Variants in MAST1 observed in about 807,000 individuals in gnomAD.
MAST1 encodes the protein microtubule associated serine/threonine kinase 1.
MAST1 carries 40 observed loss-of-function variants against 124.6 expected under a neutral mutation model. The ratio of observed to expected loss-of-function variants is 0.32; its 90% CI spans 0.25 to 0.42. MAST1 has a LOEUF of 0.42. Among genes scored for constraint, MAST1 ranks in the 10% least tolerant of loss-of-function variants. The pLI is 1.00. For missense variants in MAST1, 1,558 were observed against 2,181.9 expected, an observed-to-expected ratio of 0.71 and a Z score of 5.70; for synonymous variants, 938 against 939.4, an observed-to-expected ratio of 1.00 and a Z score of 0.03.
chr19:12,858,552 C>T lies in MAST1; in HGVS notation c.1179C>T (p.His393=). ...GCAGCGCTGTCTACCTGGTGCGGCA[C>T]CGCGACACGCGGCAGCGCTTTGCCA... ...GAYGAVYLVR[H]RDTRQRFAMK... The change falls in exon 12 of 26, where the codon CAC becomes CAT. Residue 393 remains histidine, a synonymous_variant. Coordinates refer to ENST00000251472, the MANE Select transcript of MAST1 (RefSeq NM_014975.3). The T allele has an allele frequency of 6.2e-7, 1 of 1,614,238 alleles. No individual in the cohort carries two copies. The highest frequency in any genetic ancestry group is 8.5e-7 in the Non-Finnish European group (1 of 1,180,048).
rs1293307089 is a variant in MAST1, at chr19:12,864,939, G to GT, written c.1497_1498insT (p.Pro500SerfsTer2). 6.2e-7 allele frequency: 1 copy of GT among 1,614,026 alleles called. No homozygotes were observed. Among genetic ancestry groups the GT allele is most frequent in the Non-Finnish European group, 8.5e-7 (1 of 1,180,026 alleles). The stretch of plus-strand genomic sequence containing the variant: ...ATGGCATCGTGCACCGCGACCTCAA[G>GT]CCTGACAAGTGAGCTTTGATCTTTC... On this transcript the variant is annotated frameshift_variant, in exon 13 of 26. Transcript: ENST00000251472. LOFTEE classifies it high-confidence loss of function.
intron 24 of MAST1, among the ~76,000 whole-genome samples, chr19:12,871,913 CAAAAAAAAAA>C (rs34674708): frequency 8.2e-5 from 5 of 61,042 alleles, no homozygotes; most frequent in South Asian, 6.2e-4. Context: ...TAGACTCTTT[CAAAAAAAAAA>C]AAAAAAAAAA....
Position 12,874,380 on chromosome 19 carries a change from C to T in MAST1, c.4223C>T (p.Ala1408Val), listed in dbSNP as rs753566844. The change falls in exon 26 of 26, where the codon GCC becomes GTC. Residue 1408 changes from alanine to valine, a missense_variant. Ala to Val is a moderately conservative substitution (Grantham distance 64). Transcript: ENST00000251472. This position sits in a 1 kb window ranked among gnomAD's most constrained non-coding sequence, Gnocchi z 6.6. ...DGTGGMARAV[A>V]KAALSPVQEH... ...ACTGGCGGGATGGCCAGGGCTGTGG[C>T]CAAGGCGGCGCTGAGCCCGGTGCAG... The T allele has an allele frequency of 6.3e-7, 1 of 1,598,306 alleles. No individual in the cohort carries two copies. The highest frequency in any genetic ancestry group is 2.2e-5 in the East Asian group (1 of 44,832).
intron 22 of MAST1, among the ~76,000 whole-genome samples, chr19:12,869,862 G>A (rs1476627438): frequency 6.6e-6 from 1 of 151,728 alleles, no homozygotes; most frequent in African/African-American, 2.4e-5. Flanking sequence ...AGACTAGCCT[G>A]GCCAATATGG....
Position 12,865,960 on chromosome 19 carries a change from T to C in MAST1, c.1907-20T>C, listed in dbSNP as rs950353324. On this transcript the variant is annotated intron_variant, in intron 16 of 25. Transcript: ENST00000251472. The surrounding 1 kb of genome is among the most constrained non-coding windows in gnomAD (Gnocchi z 7.1). ...TGCTGGGTTGGCCATCAGCTGTGGC[T>C]GGAATCCCTTCCGTCCCAGGCGGCG... is the stretch of plus-strand genomic sequence containing the variant. 1.9e-6 allele frequency: 3 copies of C among 1,613,622 alleles called. No homozygotes were observed. The highest frequency in any genetic ancestry group is 2.5e-6 in the Non-Finnish European group (3 of 1,179,986).
chr19:12,850,532 G>A (rs953017232), intron 7 of MAST1, among the ~76,000 whole-genome samples: 1 of 152,118 alleles, frequency 6.6e-6, no homozygotes, highest in Admixed American at 6.6e-5. Context: ...TTATAACCAA[G>A]CCAGAATGTG....
In MAST1 at chr19:12,866,221, C is replaced by T; in HGVS notation, c.2029+119C>T. 1 of 1,002,878 alleles carries T rather than the reference C, an allele frequency of 1.0e-6. No individual in the cohort carries two copies. Among genetic ancestry groups the T allele is most frequent in the Non-Finnish European group, 1.3e-6 (1 of 765,230 alleles). 62.1% of individuals were successfully genotyped at this position (1,002,878 alleles called of 1,614,324 possible). On this transcript the variant is annotated intron_variant, in intron 17 of 25. Coordinates refer to ENST00000251472, the MANE Select transcript of MAST1 (RefSeq NM_014975.3). This position sits in a 1 kb window ranked among gnomAD's most constrained non-coding sequence, Gnocchi z 5.2. ...AGTACCAAGATGTGATGCCTAGGTG[C>T]GAAGGTGGTATTTTGGTGGGGGCGG...
intron 12 of MAST1, among the ~76,000 whole-genome samples, chr19:12,861,706 C>CTTTCTTTT (rs1427087926): frequency 2.1e-5 from 3 of 142,206 alleles, no homozygotes; most frequent in African/African-American, 7.9e-5. Flanking sequence ...TTCTTTCTTT[C>CTTTCTTTT]TTTCTTTCTT....
chr19:12,854,280 C>T (rs1969996187), intron 10 of MAST1, among the ~76,000 whole-genome samples: 2 of 152,224 alleles, frequency 1.3e-5, no homozygotes, highest in East Asian at 1.9e-4. Flanking sequence ...TGCGCCACCA[C>T]ACCTGGCTAA....
Position 12,867,660 on chromosome 19 carries a change from G to T in MAST1, c.2318+8G>T. 6.4e-7 allele frequency: 1 copy of T among 1,569,368 alleles called. No homozygotes were observed. Among genetic ancestry groups the T allele is most frequent in the Non-Finnish European group, 8.6e-7 (1 of 1,158,038 alleles). On this transcript the variant is annotated splice_region_variant and intron_variant, in intron 19 of 25. Transcript: ENST00000251472. ...AGGGGGCTCTCCGGAGATGTGAGCA[G>T]GGGAATGGCGGAGTTTGGGGGCGGG...
In MAST1 at chr19:12,841,005, G is replaced by A. The variant is rs1969819600; in HGVS notation, c.187G>A (p.Asp63Asn). ...LPGHLGSSPL[D>N]SPRNFSPNTP... ...TTCTCTCATAGGCAGCAGTCCCCTG[G>A]ACAGCCCCCGAAACTTCTCCCCCAA... Residue 63 changes from aspartate to asparagine, a missense_variant, in exon 3 of 26, where the codon GAC (aspartate) becomes AAC (asparagine). By Grantham distance (23) the Asp-to-Asn change is conservative. Around this residue, in one of 10 missense-constraint regions of MAST1, gnomAD observed 57 missense variants for 35.3 expected, o/e 1.62. Coordinates refer to ENST00000251472, the MANE Select transcript of MAST1 (RefSeq NM_014975.3). The surrounding 1 kb of genome is among the most constrained non-coding windows in gnomAD (Gnocchi z 4.3). 3 of 1,368,030 alleles carry A rather than the reference G, an allele frequency of 2.2e-6. No individual in the cohort carries two copies. Among genetic ancestry groups the A allele is most frequent in the South Asian group, 1.2e-5 (1 of 86,344 alleles). 84.7% of individuals were successfully genotyped at this position (1,368,030 alleles called of 1,614,324 possible). A position where few individuals can be genotyped will look rare whatever the true frequency, so the allele number is the denominator to read the frequency against.
intron 10 of MAST1, among the ~76,000 whole-genome samples, chr19:12,857,812 C>T (rs1369000668): frequency 6.6e-6 from 1 of 152,044 alleles, no homozygotes; most frequent in African/African-American, 2.4e-5. Flanking sequence ...CAGATTGCTT[C>T]AGCCTAGGAG....
chr19:12,873,182 C>T, intron 24 of MAST1, 142 bp from the exon 25 acceptor site: 1 of 773,110 alleles, frequency 1.3e-6, no homozygotes, highest in Non-Finnish European at 2.1e-6. Flanking sequence ...AAAGGAAGTT[C>T]TTTATCTTGA....
In MAST1 at chr19:12,874,061, C is replaced by T. The variant is rs1451309807; in HGVS notation, c.3904C>T (p.Leu1302=). The change falls in exon 26 of 26, where the codon CTG becomes TTG. Residue 1302 remains leucine (L), a synonymous_variant. Coordinates refer to ENST00000251472, the MANE Select transcript of MAST1 (RefSeq NM_014975.3). The surrounding 1 kb of genome is among the most constrained non-coding windows in gnomAD (Gnocchi z 6.6). ...PDFRKDFHGE[L]ALHSLAESDG... ...TTTCCGCAAGGACTTCCATGGCGAG[C>T]TGGCGCTGCATAGCCTTGCCGAGTC... 4 of 1,597,906 alleles carry T rather than the reference C, an allele frequency of 2.5e-6. No individual in the cohort carries two copies. Among genetic ancestry groups the T allele is most frequent in the Middle Eastern group, 3.3e-4 (2 of 6,046 alleles).
In MAST1 at chr19:12,843,393, GC is replaced by G; in HGVS notation, c.249-134del. 1 of 587,992 alleles carries G rather than the reference GC, an allele frequency of 1.7e-6. No homozygotes were observed. Among genetic ancestry groups the G allele is most frequent in the Non-Finnish European group, 3.0e-6 (1 of 334,080 alleles). The allele number at this position is 587,992 out of a possible 1,614,324, so 36.4% of individuals were successfully genotyped here. A position where few individuals can be genotyped will look rare whatever the true frequency, so the allele number is the denominator to read the frequency against. ...CCTCTTTATCCCCTTGATTCTGAGGGCCTTGAGGAATCTTAGAGTGCAGATA... is the reference window on the plus strand; with the variant it reads ...CCTCTTTATCCCCTTGATTCTGAGGGCTTGAGGAATCTTAGAGTGCAGATA... On this transcript the variant is annotated intron_variant, in intron 3 of 25. Coordinates refer to ENST00000251472, the MANE Select transcript of MAST1 (RefSeq NM_014975.3). The surrounding 1 kb of genome is among the most constrained non-coding windows in gnomAD (Gnocchi z 4.9).
At chr19:12,857,919 G>C (rs1405797887) in intron 10 of MAST1, among the ~76,000 whole-genome samples, 1 of 149,638 alleles carries the variant, frequency 6.7e-6, no homozygotes, top group African/African-American at 2.5e-5. Context: ...GGGAGGCTGA[G>C]GCAGGAGAAT....
Position 12,867,899 on chromosome 19 carries a change from G to A in MAST1, c.2488G>A (p.Ala830Thr), listed in dbSNP as rs377049232. 1.2e-6 allele frequency: 2 copies of A among 1,604,364 alleles called. No homozygotes were observed. The highest frequency in any genetic ancestry group is 2.7e-5 in the African/African-American group (2 of 74,076). The part of the protein sequence containing the change: ...RRPPRPSSDP[A>T]GSLDARAPKE... ...GCCTCCCCGGCCCAGCTCCGACCCC[G>A]CGGGATCCCTGGATGCACGGGCCCC... is the stretch of plus-strand genomic sequence containing the variant. The change falls in exon 20 of 26, where the codon GCG (alanine) becomes ACG (threonine). Residue 830 changes from alanine (A) to threonine (T), a missense_variant. By Grantham distance (58) the Ala-to-Thr change is moderately conservative (BLOSUM62 0). Around this residue, in one of 10 missense-constraint regions of MAST1, gnomAD observed 287 missense variants for 308.0 expected, o/e 0.93. Transcript: ENST00000251472.
At chr19:12,840,562 G>T (rs959492576) in intron 2 of MAST1, 28 bp downstream of exon 2, 1 of 1,536,842 alleles carries the variant, frequency 6.5e-7, no homozygotes, top group African/African-American at 1.4e-5. Context: ...GACTTGGTGG[G>T]TGCAGACTGG....
chr19:12,867,980 G>A lies in MAST1; in HGVS notation c.2566+3G>A. The A allele has an allele frequency of 6.5e-7, 1 of 1,540,094 alleles. No individual in the cohort carries two copies. Among genetic ancestry groups the A allele is most frequent in the African/African-American group, 1.4e-5 (1 of 72,260 alleles). On this transcript the variant is annotated splice_donor_region_variant and intron_variant, in intron 20 of 25. Coordinates refer to ENST00000251472, the MANE Select transcript of MAST1 (RefSeq NM_014975.3). The stretch of plus-strand genomic sequence containing the variant: ...CAGCGCCGGGGACTCCGAGGCCAGT[G>A]AGTGCCCTATCGTGCTGCCTTCCCC...
Sources: gnomAD v4.1 joint callset for allele counts (sites outside exome capture counted in the v4.1 genomes callset) on GRCh38, gnomAD v4.1.1 for gene constraint, gnomAD v4.1.1 regional missense constraint, Gnocchi (gnomAD v3.1) non-coding constraint, MANE v1.5 for transcripts, NCBI Gene and HGNC (gene_info 2026-07-23, HGNC 2026-07-21) for gene names.